TRPC5: variants seen among roughly 807,000 people sequenced by gnomAD.
TRPC5 encodes the protein transient receptor potential cation channel subfamily C member 5.
Under a neutral mutation model 56.5 loss-of-function variants are expected in TRPC5, and 9 were observed. That is an observed-to-expected ratio of 0.16 (90% CI 0.10 to 0.28). The LOEUF (loss-of-function observed/expected upper bound fraction) is 0.28, where lower values mean the gene tolerates loss of function less well. Ranked by LOEUF, TRPC5 falls within the 10% of genes least tolerant of loss-of-function variation. The probability of loss-of-function intolerance (pLI) is 1.00; values close to 1 mark genes in which losing one functional copy is unlikely to be tolerated. For missense variants in TRPC5, 469 were observed against 748.9 expected, an observed-to-expected ratio of 0.63 and a Z score of 4.36; for synonymous variants, 282 against 278.5, an observed-to-expected ratio of 1.01 and a Z score of -0.13.
At position 111,825,178 on chromosome X, in the gene TRPC5, T is replaced by C. The variant is rs868296368; in HGVS notation, c.1896+9743A>G. 4.7e-3 allele frequency among the ~76,000 whole-genome samples: 395 copies of C among 84,720 alleles called. 7 individuals carry two copies. The highest frequency in any genetic ancestry group is 0.018 in the African/African-American group (363 of 20,015). 73.6% of individuals were successfully genotyped at this position (84,720 alleles called of 115,157 possible). On this transcript the variant is annotated intron_variant, in intron 7 of 10. Coordinates refer to ENST00000262839, the MANE Select transcript of TRPC5 (RefSeq NM_012471.3). The stretch of plus-strand genomic sequence containing the variant: ...TTCTTTCTTTCTTTCTTTCTTTCTT[T>C]CTTTCTTTCTTTCTTTCTTTCTTTC...
chrX:111,769,814 C>G lies in TRPC5; in HGVS notation c.*6499G>C, dbSNP rs1448590279. 8.9e-6 allele frequency among the ~76,000 whole-genome samples: 1 copy of G among 111,887 alleles called. No individual in the cohort carries two copies. Among genetic ancestry groups the G allele is most frequent in the Non-Finnish European group, 1.9e-5 (1 of 53,148 alleles). On this transcript the variant is annotated 3_prime_UTR_variant, in exon 11 of 11. Coordinates refer to ENST00000262839, the MANE Select transcript of TRPC5 (RefSeq NM_012471.3). ...TTTAACCAGAGAAAGTGGTACTCAT[C>G]TTGACTACCACATGTTTTACCAAGT... is the stretch of plus-strand genomic sequence containing the variant.
intron 1 of TRPC5, among the ~76,000 whole-genome samples, chrX:112,079,656 T>C (rs1930915278): frequency 8.9e-6 from 1 of 112,189 alleles, no homozygotes; most frequent in Non-Finnish European, 1.9e-5. Context: ...TAGTCTTCTC[T>C]AAGTACTGTG....
At chrX:111,956,511 A>G (rs1286272799) in intron 1 of TRPC5, among the ~76,000 whole-genome samples, 1 of 110,946 alleles carries the variant, frequency 9.0e-6, no homozygotes, top group Non-Finnish European at 1.9e-5. Flanking sequence ...TTAAAACCAT[A>G]CTTCTCCTAG....
intron 1 of TRPC5, among the ~76,000 whole-genome samples, chrX:112,024,115 T>G (rs1472848679): frequency 8.9e-6 from 1 of 111,867 alleles, no homozygotes; most frequent in Non-Finnish European, 1.9e-5. Context: ...ACTAATGATT[T>G]CCCAAGTTCT....
intron 3 of TRPC5, among the ~76,000 whole-genome samples, chrX:111,856,626 G>A (rs1255444383): frequency 1.1e-4 from 12 of 106,906 alleles, no homozygotes; most frequent in African/African-American, 4.1e-4. Flanking sequence ...GGTCAGCCTG[G>A]CCAACATGAT....
intron 1 of TRPC5, among the ~76,000 whole-genome samples, chrX:111,974,388 C>G (rs1927863026): frequency 1.8e-5 from 2 of 110,509 alleles, no homozygotes; most frequent in Admixed American, 1.9e-4. Context: ...CAGGGTCTTC[C>G]ATAGGTATTA....
At chrX:111,804,122 A>T (rs765666834) in intron 7 of TRPC5, among the ~76,000 whole-genome samples, 32 of 111,865 alleles carry the variant, frequency 2.9e-4, no homozygotes, top group Non-Finnish European at 5.3e-4. Context: ...TTTCCCCATT[A>T]CTTGTTTTTG....
intron 7 of TRPC5, among the ~76,000 whole-genome samples, chrX:111,822,764 A>G (rs1260808581): frequency 8.9e-6 from 1 of 112,346 alleles, no homozygotes; most frequent in Non-Finnish European, 1.9e-5. Flanking sequence ...TGTTAAGTGA[A>G]TGAATGAAAG....
In TRPC5 at chrX:112,004,819, G is replaced by A. The variant is rs185793237; in HGVS notation, c.-21-52378C>T. ...GAACCAGGTGTGGCTGGAGGGTAGAGTGCATGGGTAGGGGCGGCAAAAAAT... is the reference window on the plus strand; with the variant it reads ...GAACCAGGTGTGGCTGGAGGGTAGAATGCATGGGTAGGGGCGGCAAAAAAT... On this transcript the variant is annotated intron_variant, in intron 1 of 10. Transcript: ENST00000262839. 2.4e-3 allele frequency among the ~76,000 whole-genome samples: 264 copies of A among 111,479 alleles called. 3 individuals are homozygous for A. Among genetic ancestry groups the A allele is most frequent in the African/African-American group, 8.4e-3 (257 of 30,677 alleles).
intron 2 of TRPC5, among the ~76,000 whole-genome samples, chrX:111,937,479 T>G (rs1926624672): frequency 1.9e-5 from 2 of 105,539 alleles, no homozygotes; most frequent in African/African-American, 3.6e-5. Context: ...TGGTTTTAGG[T>G]CTAACATTTA....
intron 7 of TRPC5, among the ~76,000 whole-genome samples, chrX:111,827,371 C>G (rs1183205753): frequency 9.0e-6 from 1 of 111,158 alleles, no homozygotes; most frequent in Non-Finnish European, 1.9e-5. Context: ...TGGACCTCTC[C>G]TCTAGACCTG....
chrX:112,050,924 C>A (rs73550133), intron 1 of TRPC5, among the ~76,000 whole-genome samples: 1,338 of 112,189 alleles, frequency 0.012, 18 homozygotes, highest in African/African-American at 0.04. Context: ...TCTAAGTTCC[C>A]ATGGTTAGCA....
chrX:112,015,311 C>A (rs1489467827), intron 1 of TRPC5, among the ~76,000 whole-genome samples: 1 of 111,646 alleles, frequency 9.0e-6, no homozygotes, highest in African/African-American at 3.3e-5. Context: ...TCAGAGCCAC[C>A]TGAATCATGC....
intron 1 of TRPC5, among the ~76,000 whole-genome samples, chrX:112,049,039 T>C (rs1159651509): frequency 1.8e-5 from 2 of 112,024 alleles, no homozygotes; most frequent in East Asian, 5.6e-4. Context: ...GACCTGCTAT[T>C]GAGTCCTGGC....
intron 2 of TRPC5, among the ~76,000 whole-genome samples, chrX:111,927,624 C>T (rs1419426228): frequency 9.0e-6 from 1 of 110,854 alleles, no homozygotes; most frequent in Non-Finnish European, 1.9e-5. Flanking sequence ...CTGGGCAGGT[C>T]ATTATGGAGA....
chrX:111,966,410 A>G lies in TRPC5; in HGVS notation c.-21-13969T>C, dbSNP rs777841140. On this transcript the variant is annotated intron_variant, in intron 1 of 10. Transcript: ENST00000262839. ...AATTCTACCAGAGATACAAGGAGGAACTGGTACCATTCCTTCTGAAACTAT... is the reference window on the plus strand; with the variant it reads ...AATTCTACCAGAGATACAAGGAGGAGCTGGTACCATTCCTTCTGAAACTAT... Among the ~76,000 whole-genome samples, 94 of 111,936 alleles carry G rather than the reference A, an allele frequency of 8.4e-4. 1 individual carries two copies. Among genetic ancestry groups the G allele is most frequent in the African/African-American group, 2.5e-3 (78 of 30,808 alleles).
chrX:111,815,506 A>G (rs1315770338), intron 7 of TRPC5, among the ~76,000 whole-genome samples: 1 of 111,215 alleles, frequency 9.0e-6, no homozygotes, highest in Non-Finnish European at 1.9e-5. Context: ...AGGTAGGTGG[A>G]TCACTTGAGT....
chrX:111,964,386 T>C (rs975634466), intron 1 of TRPC5, among the ~76,000 whole-genome samples: 3 of 112,412 alleles, frequency 2.7e-5, no homozygotes, highest in African/African-American at 9.7e-5. Flanking sequence ...TGGAACCAAG[T>C]TGGAAAACAC....
rs919684653 is a variant in TRPC5 at position 111,774,916 on chromosome X, G to C, written c.*1397C>G. ...GAGTTGTTTCAGGTCATATGTTAGA[G>C]TCTAAACTGAGGAAACCTTTGTGCT... On this transcript the variant is annotated 3_prime_UTR_variant, in exon 11 of 11. Transcript: ENST00000262839. 4.5e-5 allele frequency: 5 copies of C among 110,593 alleles called. No individual in the cohort carries two copies. Among genetic ancestry groups the C allele is most frequent in the African/African-American group, 1.6e-4 (5 of 30,365 alleles). 9.1% of individuals were successfully genotyped at this position (110,593 alleles called of 1,213,427 possible). A position where few individuals can be genotyped will look rare whatever the true frequency, so the allele number is the denominator to read the frequency against.
Sources: gnomAD v4.1 joint callset for allele counts (sites outside exome capture counted in the v4.1 genomes callset) on GRCh38, gnomAD v4.1.1 for gene constraint, MANE v1.5 for transcripts, NCBI Gene and HGNC (gene_info 2026-07-23, HGNC 2026-07-21) for gene names.